The following COL23A1 variants were observed in gnomAD, a reference collection of about 807,000 sequenced individuals.
The protein encoded by COL23A1 is collagen alpha-1(XXIII) chain.
Under a neutral mutation model 99.3 loss-of-function variants are expected in COL23A1, and 97 were observed. That is an observed-to-expected ratio of 0.98 (90% CI 0.83 to 1.16). The LOEUF (loss-of-function observed/expected upper bound fraction) is 1.16, where lower values mean the gene tolerates loss of function less well. Among genes scored for constraint, COL23A1 ranks in the 50% most tolerant of loss-of-function variants. COL23A1 has a pLI of 0.00. For missense variants in COL23A1, 762 were observed against 757.4 expected (o/e 1.01, Z -0.07); for synonymous variants, 320 against 308.2 (o/e 1.04, Z -0.40).
intron 19 of COL23A1, 46 bp downstream of exon 19, chr5:178,249,071 G>T: frequency 6.3e-7 from 1 of 1,586,908 alleles, no homozygotes; most frequent in Non-Finnish European, 8.6e-7. Context: ...TCACCTCAGG[G>T]CTTCCACACA....
intron 2 of COL23A1, among the ~76,000 whole-genome samples, chr5:178,431,265 T>C (rs1459469237): frequency 2.6e-5 from 4 of 152,064 alleles, no homozygotes; most frequent in Admixed American, 1.3e-4. Flanking sequence ...ACACGCAGGG[T>C]GTGTCCTGGT....
chr5:178,573,224 A>G (rs1027178617), intron 1 of COL23A1, among the ~76,000 whole-genome samples: 15 of 152,300 alleles, frequency 9.8e-5, no homozygotes, highest in African/African-American at 3.1e-4. Flanking sequence ...TCAAAAAAAA[A>G]GGCAAACAAC....
At chr5:178,319,652 G>A (rs1192331876) in intron 2 of COL23A1, among the ~76,000 whole-genome samples, 1 of 152,244 alleles carries the variant, frequency 6.6e-6, no homozygotes, top group Non-Finnish European at 1.5e-5. Flanking sequence ...AACTCTCGGG[G>A]TTCCTCGGAA....
rs183453111 is a variant in COL23A1 at position 178,506,968 on chromosome 5, G to C, written c.361+53714C>G. On this transcript the variant is annotated intron_variant, in intron 2 of 28. Coordinates refer to ENST00000390654, the MANE Select transcript of COL23A1 (RefSeq NM_173465.4). ...CCGTTTGTTTTCAATATTAAGAGAT[G>C]ATTTTTATTCGTTTTAGTTTAATTT... Among the ~76,000 whole-genome samples the C allele has an allele frequency of 5.3e-5, 8 of 152,268 alleles. No homozygotes were observed. The East Asian group carries it at 1.4e-3, about 26-fold the overall frequency.
intron 2 of COL23A1, among the ~76,000 whole-genome samples, chr5:178,476,871 T>C (rs969577410): frequency 3.3e-5 from 5 of 152,234 alleles, no homozygotes; most frequent in African/African-American, 1.2e-4. Context: ...GTGAGAACAC[T>C]AAGACTCACA....
At chr5:178,372,661 C>A (rs535317637) in intron 2 of COL23A1, among the ~76,000 whole-genome samples, 14 of 151,906 alleles carry the variant, frequency 9.2e-5, no homozygotes, top group Admixed American at 2.6e-4. Context: ...CAGCCTCGAC[C>A]TCCCAGCCTC....
chr5:178,373,810 C>T (rs1202192249), intron 2 of COL23A1, among the ~76,000 whole-genome samples: 1 of 152,198 alleles, frequency 6.6e-6, no homozygotes, highest in Non-Finnish European at 1.5e-5. Flanking sequence ...CTCCCATCCT[C>T]GTCCCAGGGG....
intron 1 of COL23A1, among the ~76,000 whole-genome samples, chr5:178,568,656 A>G (rs1473558290): frequency 1.3e-5 from 2 of 152,244 alleles, no homozygotes; most frequent in Non-Finnish European, 2.9e-5. Context: ...TCTATTCTGT[A>G]TATTTCACAT....
rs1319891005 is a variant in COL23A1 at position 178,242,073 on chromosome 5, C to T, written c.1550G>A (p.Gly517Glu). ...ACACGGCTGGTCCAGGCCTGGTGGT[C>T]CCGGCTCGCCCTTCTGGCCCTTCAC... ...KGVKGQKGEP[G>E]PPGLDQPCPV... The change falls in exon 27 of 29, where the codon GGA (glycine) becomes GAA (glutamate). Residue 517 changes from glycine (G) to glutamate (E), a missense_variant. Coordinates refer to ENST00000390654, the MANE Select transcript of COL23A1 (RefSeq NM_173465.4). 21 of 1,553,830 alleles carry T rather than the reference C, an allele frequency of 1.4e-5. No homozygotes were observed. Among genetic ancestry groups the T allele is most frequent in the Non-Finnish European group, 1.7e-5 (20 of 1,148,302 alleles).
At chr5:178,514,139 C>G (rs554443815) in intron 2 of COL23A1, among the ~76,000 whole-genome samples, 18 of 152,312 alleles carry the variant, frequency 1.2e-4, no homozygotes, top group African/African-American at 4.1e-4. Flanking sequence ...CTGGGTACTT[C>G]ATATAAATGG....
chr5:178,529,516 C>T (rs1760518653), intron 2 of COL23A1, among the ~76,000 whole-genome samples: 1 of 152,214 alleles, frequency 6.6e-6, no homozygotes, highest in African/African-American at 2.4e-5. Context: ...GAGAAATCTA[C>T]CCGTGGCCTT....
chr5:178,252,598 C>G lies in COL23A1; in HGVS notation c.961-1G>C, dbSNP rs1458251104. 6.2e-7 allele frequency: 1 copy of G among 1,609,318 alleles called. No individual in the cohort carries two copies. Among genetic ancestry groups the G allele is most frequent in the South Asian group, 1.1e-5 (1 of 89,836 alleles). ...GGGGCCCCTGTGGTCCGGGAGGCCCCTGTGTGTGAGAGTGAAGCCGGTCAG... is the reference window on the plus strand; with the variant it reads ...GGGGCCCCTGTGGTCCGGGAGGCCCGTGTGTGTGAGAGTGAAGCCGGTCAG... On this transcript the variant is annotated splice_acceptor_variant, in intron 16 of 28. Coordinates refer to ENST00000390654, the MANE Select transcript of COL23A1 (RefSeq NM_173465.4). LOFTEE classifies it high-confidence loss of function.
At chr5:178,585,529 G>C (rs1284241913) in intron 1 of COL23A1, among the ~76,000 whole-genome samples, 1 of 147,520 alleles carries the variant, frequency 6.8e-6, no homozygotes, top group African/African-American at 2.6e-5. Flanking sequence ...CCTGGATGAC[G>C]CTGGAGTAAC....
At position 178,308,828 on chromosome 5, in the gene COL23A1, G is replaced by A. The variant is rs138291604; in HGVS notation, c.362-1909C>T. 1.2e-4 allele frequency among the ~76,000 whole-genome samples: 2 copies of A among 16,090 alleles called. No homozygotes were observed. The highest frequency in any genetic ancestry group is 9.6e-4 in the Admixed American group (2 of 2,088). 10.6% of individuals were successfully genotyped at this position (16,090 alleles called of 152,430 possible). On this transcript the variant is annotated intron_variant, in intron 2 of 28. Transcript: ENST00000390654. This position sits in a 1 kb window ranked among gnomAD's most constrained non-coding sequence, Gnocchi z 5.1. ...GTTTGGGGGGCAGGTCAGCACTCTC[G>A]GGGGGGGCTTTCCTCCTCTCTGGGC...
At chr5:178,372,122 C>T (rs1341009375) in intron 2 of COL23A1, among the ~76,000 whole-genome samples, 3 of 152,224 alleles carry the variant, frequency 2.0e-5, no homozygotes, top group East Asian at 3.9e-4. Context: ...CTCTGGATTT[C>T]TGGTTCCTCT....
intron 2 of COL23A1, among the ~76,000 whole-genome samples, chr5:178,430,433 C>T (rs1766196927): frequency 1.3e-5 from 2 of 152,162 alleles, no homozygotes; most frequent in Non-Finnish European, 1.5e-5. Flanking sequence ...GGAAAGGACA[C>T]AATGGGACGT....
intron 2 of COL23A1, among the ~76,000 whole-genome samples, chr5:178,399,069 G>T (rs1764300165): frequency 6.6e-6 from 1 of 152,244 alleles, no homozygotes; most frequent in African/African-American, 2.4e-5. Flanking sequence ...GGCTTCAGTT[G>T]CTGGGGCTGG....
At chr5:178,411,102 C>T (rs1410657324) in intron 2 of COL23A1, among the ~76,000 whole-genome samples, 1 of 152,158 alleles carries the variant, frequency 6.6e-6, no homozygotes, top group African/African-American at 2.4e-5. Context: ...TACCACTTCA[C>T]ACCCACTAGG....
At chr5:178,506,605 G>A (rs1008997233) in intron 2 of COL23A1, among the ~76,000 whole-genome samples, 4 of 152,098 alleles carry the variant, frequency 2.6e-5, no homozygotes, top group South Asian at 2.1e-4. Flanking sequence ...CCATATTAAC[G>A]CAATTATGTG....
Sources: allele counts gnomAD v4.1 joint callset (sites outside exome capture counted in the v4.1 genomes callset), GRCh38; gene constraint gnomAD v4.1.1; non-coding constraint Gnocchi (gnomAD v3.1); transcripts MANE v1.5; gene names NCBI Gene and HGNC (gene_info 2026-07-23, HGNC 2026-07-21).